Variants in PKN2 observed in about 807,000 individuals in gnomAD.
PKN2 encodes the protein protein kinase N2.
A neutral mutation model predicts 119.1 loss-of-function variants in PKN2; 38 were observed. The ratio of observed to expected loss-of-function variants is 0.32; its 90% CI spans 0.25 to 0.42. PKN2 has a LOEUF of 0.42. Among genes scored for constraint, PKN2 ranks in the 10% least tolerant of loss-of-function variants. The pLI is 1.00. For missense variants in PKN2, 850 were observed against 1,165.1 expected (o/e 0.73, Z 3.94); for synonymous variants, 390 against 384.9 (o/e 1.01, Z -0.15).
rs144842387 is a variant in PKN2 at position 88,773,575 on chromosome 1, G to A, written c.985+1696G>A. Among the ~76,000 whole-genome samples, 375 of 152,298 alleles carry A rather than the reference G, an allele frequency of 2.5e-3. 1 individual carries two copies. Among genetic ancestry groups the A allele is most frequent in the African/African-American group, 8.7e-3 (361 of 41,578 alleles). On this transcript the variant is annotated intron_variant, in intron 6 of 21. Coordinates refer to ENST00000370521, the MANE Select transcript of PKN2 (RefSeq NM_006256.4). ...GGCTCCCAGAGTGCTGTGATTACTG[G>A]TGTGTGCCTCCACATCTGACCAGTG...
chr1:88,750,349 C>T (rs1456764746), intron 2 of PKN2, among the ~76,000 whole-genome samples: 1 of 152,140 alleles, frequency 6.6e-6, no homozygotes, highest in African/African-American at 2.4e-5. Flanking sequence ...ATCGGGATTG[C>T]TCCTGTGTTC....
At chr1:88,746,788 T>C (rs892530404) in intron 2 of PKN2, among the ~76,000 whole-genome samples, 4 of 152,144 alleles carry the variant, frequency 2.6e-5, no homozygotes, top group African/African-American at 9.6e-5. Flanking sequence ...ATCAGCATGT[T>C]GAAGAGATGT....
In PKN2 at chr1:88,757,562, G is replaced by A. The variant is rs146294965; in HGVS notation, c.350-2660G>A. Among the ~76,000 whole-genome samples, 138 of 152,232 alleles carry A rather than the reference G, an allele frequency of 9.1e-4. 3 individuals carry two copies. The East Asian group carries it at 0.026, about 29-fold the overall frequency. ...CCATCTTATATTGTAGAGGAGTGAA[G>A]GGAACATTGAAGCACAAAGGTAAAG... On this transcript the variant is annotated intron_variant, in intron 2 of 21. Transcript: ENST00000370521.
At chr1:88,777,607 G>A (rs560073495) in intron 6 of PKN2, among the ~76,000 whole-genome samples, 138 of 152,238 alleles carry the variant, frequency 9.1e-4, no homozygotes, top group Non-Finnish European at 1.7e-3. Context: ...TCTTTCTCAT[G>A]TATTACCCCT....
intron 3 of PKN2, among the ~76,000 whole-genome samples, chr1:88,768,109 T>C (rs1669740576): frequency 6.6e-6 from 1 of 152,234 alleles, no homozygotes; most frequent in Non-Finnish European, 1.5e-5. Flanking sequence ...AATTTGTGTG[T>C]GTATGTATGG....
At chr1:88,716,537 C>G (rs1667463826) in intron 1 of PKN2, among the ~76,000 whole-genome samples, 1 of 152,164 alleles carries the variant, frequency 6.6e-6, no homozygotes, top group African/African-American at 2.4e-5. Flanking sequence ...GATCCCTTTA[C>G]TATTATGTAA....
intron 1 of PKN2, among the ~76,000 whole-genome samples, chr1:88,685,547 T>C (rs1470082469): frequency 6.6e-6 from 1 of 152,244 alleles, no homozygotes; most frequent in Admixed American, 6.5e-5. Context: ...TAGGCACGAT[T>C]TTCTTTAGAT....
chr1:88,817,197 C>T (rs1672029253), intron 16 of PKN2, among the ~76,000 whole-genome samples: 1 of 152,234 alleles, frequency 6.6e-6, no homozygotes, highest in East Asian at 1.9e-4. Context: ...AAAGCTTATC[C>T]ACCACGATCA....
chr1:88,835,828 C>T lies in PKN2; in HGVS notation c.*2380C>T, dbSNP rs1485911596. On this transcript the variant is annotated 3_prime_UTR_variant, in exon 22 of 22. Coordinates refer to ENST00000370521, the MANE Select transcript of PKN2 (RefSeq NM_006256.4). The stretch of plus-strand genomic sequence containing the variant: ...TAACTTTGGTTTTAAGTATTCTTTC[C>T]TTTTAGAAACTTCCTAATGATTAAA... 2 of 152,176 alleles carry T rather than the reference C, an allele frequency of 1.3e-5. No individual in the cohort carries two copies. The highest frequency in any genetic ancestry group is 2.9e-5 in the Non-Finnish European group (2 of 67,896). The allele number at this position is 152,176 out of a possible 1,614,324, so 9.4% of individuals were successfully genotyped here.
chr1:88,737,230 G>A (rs1668386433), intron 1 of PKN2, among the ~76,000 whole-genome samples: 1 of 152,160 alleles, frequency 6.6e-6, no homozygotes, highest in African/African-American at 2.4e-5. Flanking sequence ...GTTTATTTGT[G>A]GCTCAAGTCC....
chr1:88,743,056 G>A (rs1668638342), intron 2 of PKN2, among the ~76,000 whole-genome samples: 1 of 152,116 alleles, frequency 6.6e-6, no homozygotes, highest in African/African-American at 2.4e-5. Context: ...TCGACGTGGT[G>A]GCGTGTGCCT....
intron 19 of PKN2, among the ~76,000 whole-genome samples, chr1:88,830,682 C>T (rs1672692042): frequency 6.6e-6 from 1 of 152,034 alleles, no homozygotes; most frequent in Non-Finnish European, 1.5e-5. Flanking sequence ...TGGCAGAAAA[C>T]AAGGAAGCTC....
intron 19 of PKN2, among the ~76,000 whole-genome samples, chr1:88,830,874 A>G (rs1459996772): frequency 3.9e-5 from 6 of 152,138 alleles, no homozygotes; most frequent in Non-Finnish European, 8.8e-5. Context: ...ATAATTTTAT[A>G]GCATTAGTGA....
chr1:88,711,168 G>A (rs545060458), intron 1 of PKN2, among the ~76,000 whole-genome samples: 95 of 152,166 alleles, frequency 6.2e-4, no homozygotes, highest in Middle Eastern at 3.4e-3. Context: ...GGAGGGAGAG[G>A]ATTAGGAAAA....
chr1:88,689,232 C>G (rs1176314389), intron 1 of PKN2, among the ~76,000 whole-genome samples: 1 of 152,082 alleles, frequency 6.6e-6, no homozygotes, highest in Admixed American at 6.5e-5. Context: ...TGGAAAAGCA[C>G]AAAAGAAAAT....
chr1:88,808,608 A>G (rs998881386), intron 15 of PKN2, among the ~76,000 whole-genome samples: 1 of 152,130 alleles, frequency 6.6e-6, no homozygotes, highest in Admixed American at 6.5e-5. Context: ...CCGGCCCCAC[A>G]ATTATTAAAA....
In PKN2 at chr1:88,786,145, G is replaced by A. The variant is rs1396476418; in HGVS notation, c.1213G>A (p.Gly405Ser). The A allele has an allele frequency of 4.3e-6, 7 of 1,612,902 alleles. No homozygotes were observed. Among genetic ancestry groups the A allele is most frequent in the Non-Finnish European group, 5.1e-6 (6 of 1,179,030 alleles). ...TTTGAAGCTCGATAATACTGTGGTT[G>A]GCCAAACTAGCTGGAAACCCATTTC... is the stretch of plus-strand genomic sequence containing the variant. ...AVLKLDNTVV[G>S]QTSWKPISNQ... Residue 405 changes from glycine to serine, a missense_variant, in exon 8 of 22, where the codon GGC (glycine) becomes AGC (serine). Physicochemically the swap from Gly to Ser is moderately conservative, Grantham distance 56. Transcript: ENST00000370521.
chr1:88,742,158 G>T (rs1437678783), intron 2 of PKN2, among the ~76,000 whole-genome samples: 1 of 151,920 alleles, frequency 6.6e-6, no homozygotes, highest in East Asian at 1.9e-4. Context: ...TTTTTTATTT[G>T]CAAAGAAAAA....
In PKN2 at chr1:88,802,348, C is replaced by T. The variant is rs553044928; in HGVS notation, c.1282-2043C>T. Among the ~76,000 whole-genome samples, 173 of 149,952 alleles carry T rather than the reference C, an allele frequency of 1.2e-3. 1 individual carries two copies. Among genetic ancestry groups the T allele is most frequent in the Middle Eastern group, 3.5e-3 (1 of 284 alleles). ...TTTTAATTTTTTTTTTTTTTTGAGACAGGGTCTCGCTCTGTTGCCCAGGCT... is the reference window on the plus strand; with the variant it reads ...TTTTAATTTTTTTTTTTTTTTGAGATAGGGTCTCGCTCTGTTGCCCAGGCT... On this transcript the variant is annotated intron_variant, in intron 8 of 21. Coordinates refer to ENST00000370521, the MANE Select transcript of PKN2 (RefSeq NM_006256.4).
Sources: gnomAD v4.1 joint callset for allele counts (sites outside exome capture counted in the v4.1 genomes callset) on GRCh38, gnomAD v4.1.1 for gene constraint, MANE v1.5 for transcripts, NCBI Gene and HGNC (gene_info 2026-07-23, HGNC 2026-07-21) for gene names.